Variants in ANKRD45 observed in about 807,000 individuals in gnomAD.
The protein encoded by ANKRD45 is ankyrin repeat domain 45.
In ANKRD45, 21 loss-of-function variants were observed where a neutral mutation model predicts 28.1. The ratio of observed to expected loss-of-function variants is 0.75; its 90% CI spans 0.53 to 1.08. ANKRD45 has a LOEUF of 1.08. Ranked by LOEUF, ANKRD45 falls within the 50% of genes least tolerant of loss-of-function variation. ANKRD45 has a pLI of 0.00. For missense variants in ANKRD45, 261 were observed against 308.7 expected, an observed-to-expected ratio of 0.85 and a Z score of 1.16; for synonymous variants, 86 against 103.9, an observed-to-expected ratio of 0.83 and a Z score of 1.05.
chr1:173,687,900 T>A, the ANKRD45 span, among the ~76,000 whole-genome samples: 1 of 152,106 alleles, frequency 6.6e-6, no homozygotes, highest in East Asian at 1.9e-4. Flanking sequence ...CTAGGTCTGG[T>A]CGGACCTTTG....
At chr1:173,688,692 CCTCTCTCTCTTTCTGCCTCTTTCCTCT>C in the ANKRD45 span, among the ~76,000 whole-genome samples, 7 of 123,542 alleles carry the variant, frequency 5.7e-5, no homozygotes, top group African/African-American at 1.7e-4. Context: ...CTGCCTCTTT[CCTCTCTCTCTTTCTGCCTCTTTCCTCT>C]CTCTCTTTCT....
chr1:173,700,884 C>A, the ANKRD45 span, among the ~76,000 whole-genome samples: 3 of 152,202 alleles, frequency 2.0e-5, no homozygotes, highest in African/African-American at 7.2e-5. Flanking sequence ...AGTGAACAGG[C>A]AACCTACAGG....
chr1:173,625,866 G>A (rs1408992438), intron 4 of ANKRD45, among the ~76,000 whole-genome samples: 5 of 151,968 alleles, frequency 3.3e-5, no homozygotes, highest in Non-Finnish European at 7.4e-5. Context: ...AATAGAAATA[G>A]AAAAGGGAAA....
chr1:173,621,892 C>T (rs760947508), intron 5 of ANKRD45, among the ~76,000 whole-genome samples: 4 of 152,136 alleles, frequency 2.6e-5, no homozygotes, highest in Non-Finnish European at 4.4e-5. Flanking sequence ...TGACATGATC[C>T]TATATCTAGG....
the ANKRD45 span, among the ~76,000 whole-genome samples, chr1:173,679,733 G>C: frequency 1.3e-5 from 2 of 152,182 alleles, no homozygotes; most frequent in African/African-American, 4.8e-5. Flanking sequence ...CACAGCAAAA[G>C]AAACTATCAT....
At chr1:173,637,174 C>T (rs1668484452) in intron 3 of ANKRD45, 1 of 655,852 alleles carries the variant, frequency 1.5e-6, no homozygotes, top group South Asian at 2.1e-5. Context: ...CCAAAGAAGC[C>T]TGGGTTGAAA....
At chr1:173,662,946 G>C (rs1669846808) in intron 1 of ANKRD45, among the ~76,000 whole-genome samples, 1 of 151,978 alleles carries the variant, frequency 6.6e-6, no homozygotes, top group Non-Finnish European at 1.5e-5. Flanking sequence ...AAGATTTGGT[G>C]CATGTCTTGT....
the ANKRD45 span, among the ~76,000 whole-genome samples, chr1:173,699,978 G>A: frequency 1.8e-4 from 28 of 152,250 alleles, no homozygotes; most frequent in Middle Eastern, 0.017. Context: ...CAAAGTCTCA[G>A]GATACAAAAT....
chr1:173,683,831 T>C, the ANKRD45 span, among the ~76,000 whole-genome samples: 1 of 152,204 alleles, frequency 6.6e-6, no homozygotes, highest in Non-Finnish European at 1.5e-5. Context: ...AAATTTTCTT[T>C]TGAATTCTCA....
rs1218839619 is a variant in ANKRD45, at chr1:173,609,007, T to TAAA, written c.*1135_*1137dup. Among the ~76,000 whole-genome samples the TAAA allele has an allele frequency of 2.5e-5, 3 of 120,300 alleles. No homozygotes were observed. Among genetic ancestry groups the TAAA allele is most frequent in the East Asian group, 2.5e-4 (1 of 3,998 alleles). The allele number at this position is 120,300 out of a possible 152,430, so 78.9% of individuals were successfully genotyped here. Reference sequence around the variant, plus strand: ...GAAAAGGGAGAAGGGAGAAGGAGGGTAAAAAAAAAAAAGGAGCAAACACAG... The same window carrying TAAA: ...GAAAAGGGAGAAGGGAGAAGGAGGGTAAAAAAAAAAAAAAAGGAGCAAACACAG... On this transcript the variant is annotated 3_prime_UTR_variant, in exon 6 of 6. Coordinates refer to ENST00000333279, the MANE Select transcript of ANKRD45 (RefSeq NM_198493.3).
At chr1:173,673,599 T>C (rs557478840), upstream of ANKRD45, among the ~76,000 whole-genome samples, 1 of 149,926 alleles carries the variant, frequency 6.7e-6, no homozygotes, top group East Asian at 1.9e-4. Flanking sequence ...CTAATCCTTA[T>C]AGCAACTCTA....
chr1:173,698,178 G>A, the ANKRD45 span, among the ~76,000 whole-genome samples: 36 of 152,244 alleles, frequency 2.4e-4, 1 homozygote, highest in African/African-American at 8.7e-4. Context: ...CAAGTCTTTA[G>A]AGACCTACAA....
chr1:173,646,647 T>C (rs1349846499), intron 3 of ANKRD45, among the ~76,000 whole-genome samples, 199 bp downstream of exon 3: 1 of 152,218 alleles, frequency 6.6e-6, no homozygotes, highest in East Asian at 1.9e-4. Context: ...TTCCAATATG[T>C]TCAGTTCCTA....
At chr1:173,673,383 G>A (rs1000318334), upstream of ANKRD45, among the ~76,000 whole-genome samples, 4 of 151,984 alleles carry the variant, frequency 2.6e-5, no homozygotes, top group Non-Finnish European at 4.4e-5. Context: ...AAAGTGCTAG[G>A]ATTACAGGCA....
In ANKRD45 at chr1:173,659,174, TACA is replaced by T; in HGVS notation, c.242_244del (p.Leu81del). 6.2e-7 allele frequency: 1 copy of T among 1,614,186 alleles called. No individual in the cohort carries two copies. The highest frequency in any genetic ancestry group is 1.1e-5 in the South Asian group (1 of 91,080). On this transcript the variant is annotated inframe_deletion, in exon 2 of 6. Transcript: ENST00000333279. Reference sequence around the variant, plus strand: ...ACTTTGCCCAGCCATGCAAGCTGCATACAACAAATTTCTCCCAACGATGTCTTC... The same window carrying T: ...ACTTTGCCCAGCCATGCAAGCTGCATACAAATTTCTCCCAACGATGTCTTC...
At chr1:173,613,235 C>CG (rs1558114454) in intron 5 of ANKRD45, among the ~76,000 whole-genome samples, 1 of 151,730 alleles carries the variant, frequency 6.6e-6, no homozygotes, top group Non-Finnish European at 1.5e-5. Flanking sequence ...CACCTCTGCC[C>CG]GGCCGCGACC....
chr1:173,608,892 G>GGGGAGAGGAA lies in ANKRD45; in HGVS notation c.*1243_*1252dup, dbSNP rs1231006592. Among the ~76,000 whole-genome samples the GGGGAGAGGAA allele has an allele frequency of 1.3e-3, 110 of 81,612 alleles. 1 individual carries two copies. Among genetic ancestry groups the GGGGAGAGGAA allele is most frequent in the South Asian group, 3.0e-3 (5 of 1,686 alleles). The allele number at this position is 81,612 out of a possible 152,430, so 53.5% of individuals were successfully genotyped here. On this transcript the variant is annotated 3_prime_UTR_variant, in exon 6 of 6. Transcript: ENST00000333279. The stretch of plus-strand genomic sequence containing the variant: ...GGGGAGGGGAGAGGAAGGGAGGGGA[G>GGGGAGAGGAA]GGGAGAGGAAGGGAGAGGAAGGGAG...
intron 1 of ANKRD45, chr1:173,669,383 A>G (rs1226374774): frequency 6.8e-6 from 3 of 441,996 alleles, no homozygotes; most frequent in South Asian, 1.6e-5. Context: ...TTTTAAGCCA[A>G]CTGATTTTTT....
At chr1:173,638,069 C>G (rs1378423195) in intron 3 of ANKRD45, among the ~76,000 whole-genome samples, 1 of 150,730 alleles carries the variant, frequency 6.6e-6, no homozygotes, top group African/African-American at 2.5e-5. Context: ...CAAAGTATTT[C>G]CTTGGTGGTC....
Sources: allele counts gnomAD v4.1 joint callset (sites outside exome capture counted in the v4.1 genomes callset), GRCh38; gene constraint gnomAD v4.1.1; transcripts MANE v1.5; gene names NCBI Gene and HGNC (gene_info 2026-07-23, HGNC 2026-07-21).